TRAPPC3L: variants seen among roughly 807,000 people sequenced by gnomAD.
The protein encoded by TRAPPC3L is trafficking protein particle complex subunit 3-like protein.
In TRAPPC3L, 23 loss-of-function variants were observed where a neutral mutation model predicts 23.7. That is an observed-to-expected ratio of 0.97 (90% CI 0.70 to 1.37). The LOEUF is 1.37. Ranked by LOEUF, TRAPPC3L falls within the 40% of genes most tolerant of loss-of-function variation. The pLI is 0.00. For synonymous variants in TRAPPC3L, 81 were observed against 77.9 expected (o/e 1.04, Z -0.21); for missense variants, 212 against 216.8 (o/e 0.98, Z 0.14).
intron 3 of TRAPPC3L, among the ~76,000 whole-genome samples, chr6:116,504,020 A>G (rs1771963532): frequency 6.6e-6 from 1 of 152,196 alleles, no homozygotes; most frequent in Non-Finnish European, 1.5e-5. Context: ...AGTAACTAAG[A>G]TCAGAGCGGA....
At chr6:116,517,657 G>A (rs1282149164) in intron 3 of TRAPPC3L, 1 of 152,160 alleles carries the variant, frequency 6.6e-6, no homozygotes, top group Non-Finnish European at 1.5e-5. Context: ...TATTCCTGGT[G>A]CAGAGCTCCT....
intron 3 of TRAPPC3L, among the ~76,000 whole-genome samples, chr6:116,510,182 T>C (rs1490644783): frequency 2.6e-5 from 4 of 152,152 alleles, no homozygotes; most frequent in Non-Finnish European, 5.9e-5. Context: ...ACAATAGATA[T>C]TGGTATGAAT....
chr6:116,515,655 G>A, intron 3 of TRAPPC3L: 2 of 1,613,978 alleles, frequency 1.2e-6, no homozygotes, highest in Non-Finnish European at 1.7e-6. Context: ...CTCACCACAT[G>A]TTATGCTCGC....
intron 3 of TRAPPC3L, among the ~76,000 whole-genome samples, chr6:116,527,519 C>CA (rs34686241): frequency 0.44 from 49,773 of 112,832 alleles, 10,084 homozygotes; most frequent in East Asian, 0.66. Flanking sequence ...CGTCTCAAAA[C>CA]AAAAAAAAAA....
intron 3 of TRAPPC3L, among the ~76,000 whole-genome samples, chr6:116,509,988 CAAAT>C (rs760553760): frequency 9.9e-5 from 15 of 151,990 alleles, no homozygotes; most frequent in Admixed American, 3.9e-4. Flanking sequence ...AAGAAGAAAA[CAAAT>C]AATCCCATCA....
chr6:116,529,786 G>A (rs1772586125), intron 3 of TRAPPC3L, among the ~76,000 whole-genome samples: 1 of 152,124 alleles, frequency 6.6e-6, no homozygotes. Flanking sequence ...CCAAGTGAAG[G>A]GCAGAGATTG....
intron 3 of TRAPPC3L, chr6:116,512,053 G>T (rs1194260948): frequency 6.2e-7 from 1 of 1,614,034 alleles, no homozygotes; most frequent in Non-Finnish European, 8.5e-7. Context: ...CTGTGGCTCT[G>T]CTCAATGGAA....
chr6:116,511,570 T>G, intron 3 of TRAPPC3L: 1 of 809,392 alleles, frequency 1.2e-6, no homozygotes, highest in South Asian at 1.8e-5. Flanking sequence ...ATTGTTTCCT[T>G]ATCTGGCTCA....
At chr6:116,500,731 CA>C (rs1771898877) in intron 3 of TRAPPC3L, 65 bp from the exon 4 acceptor site, 1 of 1,401,216 alleles carries the variant, frequency 7.1e-7, no homozygotes, top group African/African-American at 1.4e-5. Context: ...GCAGACTAAA[CA>C]AATACCCAGT....
intron 3 of TRAPPC3L, chr6:116,521,388 A>C (rs547194449): frequency 2.6e-5 from 4 of 152,230 alleles, no homozygotes; most frequent in Admixed American, 1.3e-4. Context: ...TGATGGTACA[A>C]ATCCCAGAGC....
At chr6:116,505,015 C>A (rs1771979349) in intron 3 of TRAPPC3L, among the ~76,000 whole-genome samples, 1 of 152,084 alleles carries the variant, frequency 6.6e-6, no homozygotes, top group Non-Finnish European at 1.5e-5. Flanking sequence ...AAGTTCTGGC[C>A]AGGGCAATCA....
intron 3 of TRAPPC3L, chr6:116,512,081 A>G: frequency 6.2e-7 from 1 of 1,614,054 alleles, no homozygotes; most frequent in East Asian, 2.2e-5. Context: ...TGAATGTGCC[A>G]TGAGCGGGAC....
intron 3 of TRAPPC3L, among the ~76,000 whole-genome samples, chr6:116,503,588 A>G (rs564386111): frequency 1.6e-4 from 25 of 152,346 alleles, no homozygotes; most frequent in African/African-American, 6.0e-4. Flanking sequence ...TCAGCACCAC[A>G]TCGCACTTAT....
At chr6:116,505,397 T>A (rs1440304135) in intron 3 of TRAPPC3L, among the ~76,000 whole-genome samples, 1 of 152,184 alleles carries the variant, frequency 6.6e-6, no homozygotes, top group Non-Finnish European at 1.5e-5. Flanking sequence ...AAACATTCCA[T>A]GCTCATGGAT....
chr6:116,513,620 G>C (rs1280485318), intron 3 of TRAPPC3L, among the ~76,000 whole-genome samples: 1 of 152,180 alleles, frequency 6.6e-6, no homozygotes, highest in Non-Finnish European at 1.5e-5. Flanking sequence ...GCTGATTCCT[G>C]TGGGAAGATG....
intron 3 of TRAPPC3L, among the ~76,000 whole-genome samples, chr6:116,528,127 C>T (rs539027145): frequency 3.3e-5 from 5 of 152,302 alleles, no homozygotes; most frequent in South Asian, 4.1e-4. Context: ...GCAGAATTTA[C>T]TAAGAATCAA....
At chr6:116,499,970 G>C (rs1771888126) in intron 4 of TRAPPC3L, among the ~76,000 whole-genome samples, 1 of 152,208 alleles carries the variant, frequency 6.6e-6, no homozygotes, top group Non-Finnish European at 1.5e-5. Flanking sequence ...GTAAAATCCA[G>C]CCTCCACAAT....
intron 3 of TRAPPC3L, chr6:116,515,635 C>A (rs1268708868): frequency 6.2e-7 from 1 of 1,613,308 alleles, no homozygotes; most frequent in Admixed American, 1.7e-5. Flanking sequence ...CAGCGTCTTT[C>A]TTCTCTCTGC....
chr6:116,499,404 G>A (rs1180818542), intron 4 of TRAPPC3L, among the ~76,000 whole-genome samples: 1 of 152,242 alleles, frequency 6.6e-6, no homozygotes, highest in East Asian at 1.9e-4. Context: ...GGTTGATAAA[G>A]AAATGAAATT....
Sources: allele counts gnomAD v4.1 joint callset (sites outside exome capture counted in the v4.1 genomes callset), GRCh38; gene constraint gnomAD v4.1.1; transcripts MANE v1.5; gene names NCBI Gene and HGNC (gene_info 2026-07-23, HGNC 2026-07-21).